CCDC178: variants seen among roughly 807,000 people sequenced by gnomAD.
CCDC178 encodes coiled-coil domain containing 178.
Under a neutral mutation model 117.4 loss-of-function variants are expected in CCDC178, and 126 were observed. That is an observed-to-expected ratio of 1.07 (90% CI 0.93 to 1.24). The LOEUF (loss-of-function observed/expected upper bound fraction) is 1.24. Among genes scored for constraint, CCDC178 ranks in the 50% most tolerant of loss-of-function variants. The probability of loss-of-function intolerance (pLI) is 0.00; values close to 1 mark genes in which losing one functional copy is unlikely to be tolerated. For synonymous variants in CCDC178, 283 were observed against 313.4 expected, an observed-to-expected ratio of 0.90 and a Z score of 1.02; for missense variants, 1,030 against 986.9, an observed-to-expected ratio of 1.04 and a Z score of -0.59.
intron 22 of CCDC178, among the ~76,000 whole-genome samples, chr18:32,943,244 G>A (rs185953030): frequency 1.4e-4 from 22 of 152,220 alleles, no homozygotes; most frequent in Non-Finnish European, 1.2e-4. Flanking sequence ...TTTAAAAAGA[G>A]GACTACTTAT....
At chr18:33,297,325 T>G (rs1318921243) in intron 11 of CCDC178, among the ~76,000 whole-genome samples, 5 of 150,902 alleles carry the variant, frequency 3.3e-5, no homozygotes, top group African/African-American at 1.2e-4. Context: ...AGGAAAGAAA[T>G]AAAGATCAAA....
chr18:33,126,427 T>A (rs1015029998), intron 20 of CCDC178, among the ~76,000 whole-genome samples: 2 of 148,842 alleles, frequency 1.3e-5, no homozygotes, highest in African/African-American at 2.4e-5. Context: ...AATATATATA[T>A]AATACATGTA....
intron 21 of CCDC178, among the ~76,000 whole-genome samples, chr18:33,090,020 G>T (rs2057438936): frequency 6.6e-6 from 1 of 152,030 alleles, no homozygotes; most frequent in Non-Finnish European, 1.5e-5. Context: ...GATTTTTAAA[G>T]GCAAGAATAC....
intron 20 of CCDC178, among the ~76,000 whole-genome samples, chr18:33,121,422 A>G (rs1249987930): frequency 6.6e-6 from 1 of 152,166 alleles, no homozygotes; most frequent in Admixed American, 6.6e-5. Context: ...TAAGATTTGT[A>G]ATAAACAAAA....
intron 2 of CCDC178, among the ~76,000 whole-genome samples, chr18:33,426,861 TG>T (rs1308346713): frequency 1.3e-5 from 2 of 152,144 alleles, no homozygotes; most frequent in Non-Finnish European, 2.9e-5. Flanking sequence ...AAATGAGGAT[TG>T]TCAACAATGG....
intron 21 of CCDC178, among the ~76,000 whole-genome samples, chr18:33,083,448 C>T (rs2057328941): frequency 6.6e-6 from 1 of 152,180 alleles, no homozygotes; most frequent in Non-Finnish European, 1.5e-5. Context: ...GTGAAAGTGT[C>T]AATTTCAGTG....
At chr18:33,007,627 C>T (rs1179176368) in intron 21 of CCDC178, among the ~76,000 whole-genome samples, 14 of 152,060 alleles carry the variant, frequency 9.2e-5, no homozygotes, top group Admixed American at 9.2e-4. Flanking sequence ...ATATTGCTGA[C>T]AAGATAGGGG....
chr18:33,389,489 A>G (rs1390808050), intron 5 of CCDC178, 51 bp downstream of exon 5: 3 of 822,710 alleles, frequency 3.6e-6, no homozygotes, highest in Non-Finnish European at 5.3e-6. Context: ...TAATGAGATA[A>G]TATAAATATA....
chr18:33,171,902 TTTTTGTTTTTTG>T (rs377677127), intron 20 of CCDC178, among the ~76,000 whole-genome samples: 14 of 152,212 alleles, frequency 9.2e-5, no homozygotes, highest in African/African-American at 3.4e-4. Context: ...AAAATTCTGT[TTTTTGTTTTTTG>T]TTTTGTTTTG....
At chr18:33,006,565 T>G (rs2055754294) in intron 21 of CCDC178, among the ~76,000 whole-genome samples, 1 of 152,190 alleles carries the variant, frequency 6.6e-6, no homozygotes, top group Non-Finnish European at 1.5e-5. Flanking sequence ...TAGGGAGAGT[T>G]CCAAGATGAT....
At chr18:33,041,958 ATGTTTTGTTTT>A (rs1335805134) in intron 21 of CCDC178, among the ~76,000 whole-genome samples, 1 of 151,942 alleles carries the variant, frequency 6.6e-6, no homozygotes, top group South Asian at 2.1e-4. Context: ...AGGAGGAAGA[ATGTTTTGTTTT>A]TGTTTTGTTT....
intron 21 of CCDC178, among the ~76,000 whole-genome samples, chr18:33,012,339 A>G (rs1220888545): frequency 6.6e-6 from 1 of 152,216 alleles, no homozygotes; most frequent in African/African-American, 2.4e-5. Context: ...ATCAGGCTTT[A>G]TGAATATCAA....
intron 11 of CCDC178, among the ~76,000 whole-genome samples, chr18:33,296,708 A>G (rs2062110209): frequency 6.6e-6 from 1 of 152,168 alleles, no homozygotes. Flanking sequence ...TCACTTGAAA[A>G]CCTACAAGGT....
At chr18:32,940,589 TG>T (rs1479355125) in intron 22 of CCDC178, among the ~76,000 whole-genome samples, 2 of 152,002 alleles carry the variant, frequency 1.3e-5, no homozygotes, top group African/African-American at 2.4e-5. Context: ...TTCTCCCTTA[TG>T]GGGGTTTGTT....
At chr18:32,942,071 A>G (rs2054250872) in intron 22 of CCDC178, among the ~76,000 whole-genome samples, 1 of 152,072 alleles carries the variant, frequency 6.6e-6, no homozygotes, top group South Asian at 2.1e-4. Flanking sequence ...AAATGGGAGG[A>G]TATATAGGAT....
chr18:33,439,493 AAAGT>A (rs1488035288), intron 2 of CCDC178, among the ~76,000 whole-genome samples: 1 of 152,248 alleles, frequency 6.6e-6, no homozygotes, highest in Non-Finnish European at 1.5e-5. Flanking sequence ...CTGCAACAGT[AAAGT>A]AAGAAGTATT....
intron 2 of CCDC178, among the ~76,000 whole-genome samples, chr18:33,427,054 T>A (rs970807088): frequency 6.6e-6 from 1 of 152,170 alleles, no homozygotes; most frequent in Non-Finnish European, 1.5e-5. Flanking sequence ...TAATAAACTA[T>A]ATGTCAATAT....
At chr18:33,247,054 T>C (rs1006557207) in intron 14 of CCDC178, among the ~76,000 whole-genome samples, 1 of 147,516 alleles carries the variant, frequency 6.8e-6, no homozygotes, top group African/African-American at 2.5e-5. Flanking sequence ...GGGGTGTATG[T>C]GTATATATGT....
At chr18:33,280,545 C>A (rs1403079816) in intron 12 of CCDC178, among the ~76,000 whole-genome samples, 2 of 151,464 alleles carry the variant, frequency 1.3e-5, no homozygotes, top group Admixed American at 1.3e-4. Context: ...GTCAGTGTGG[C>A]GATTCCTCAG....
Sources: allele counts gnomAD v4.1 joint callset (sites outside exome capture counted in the v4.1 genomes callset), GRCh38; gene constraint gnomAD v4.1.1; transcripts MANE v1.5; gene names NCBI Gene and HGNC (gene_info 2026-07-23, HGNC 2026-07-21).